The following WDR19 variants were observed in gnomAD, a reference collection of about 807,000 sequenced individuals.
The protein encoded by WDR19 is WD repeat-containing protein 19.
Under a neutral mutation model 180.0 loss-of-function variants are expected in WDR19, and 121 were observed. The observed-to-expected ratio is 0.67, with a 90% confidence interval of 0.58 to 0.78. The LOEUF (loss-of-function observed/expected upper bound fraction) is 0.78, where lower values mean the gene tolerates loss of function less well. WDR19 is among the 30% of genes least tolerant of loss of function. The pLI is 0.00. For missense variants in WDR19, 1,450 were observed against 1,640.7 expected (o/e 0.88, Z 2.01); for synonymous variants, 497 against 540.7 (o/e 0.92, Z 1.12).
intron 5 of WDR19, among the ~76,000 whole-genome samples, chr4:39,198,414 A>G (rs759714992): frequency 6.6e-5 from 10 of 151,926 alleles, no homozygotes; most frequent in Non-Finnish European, 1.3e-4. Flanking sequence ...AAAAAAAATT[A>G]GCCAGGCATG....
In WDR19 at chr4:39,228,422, A is replaced by T. The variant is rs1048554925; in HGVS notation, c.1778-64A>T. The T allele has an allele frequency of 2.5e-6, 4 of 1,602,158 alleles. No homozygotes were observed. In the Admixed American group the frequency reaches 6.8e-5, roughly 27 times the overall value. ...TTTCCCATTGCAGTAAAATTAAAAC[A>T]TTCTTTCTGATGTTTGTGCTGAGTA... On this transcript the variant is annotated intron_variant, in intron 16 of 36. Coordinates refer to ENST00000399820, the MANE Select transcript of WDR19 (RefSeq NM_025132.4).
chr4:39,256,181 C>T (rs1351219130), intron 27 of WDR19, among the ~76,000 whole-genome samples: 1 of 152,230 alleles, frequency 6.6e-6, no homozygotes, highest in East Asian at 1.9e-4. Flanking sequence ...ATTCTAACTA[C>T]TGTCAGCTCA....
At chr4:39,199,649 T>C (rs1294669741) in intron 6 of WDR19, 56 bp downstream of exon 6, 3 of 1,406,308 alleles carry the variant, frequency 2.1e-6, no homozygotes, top group Non-Finnish European at 2.0e-6. Context: ...CCCAAATAAA[T>C]AGTTTGTCTG....
chr4:39,253,361 C>T, intron 25 of WDR19, 69 bp downstream of exon 25: 1 of 1,438,600 alleles, frequency 7.0e-7, no homozygotes, highest in Non-Finnish European at 9.4e-7. Flanking sequence ...TGCCTTCTAT[C>T]ATCAAATATA....
chr4:39,183,492 C>T (rs1042652867), intron 1 of WDR19, among the ~76,000 whole-genome samples: 1 of 151,986 alleles, frequency 6.6e-6, no homozygotes, highest in Non-Finnish European at 1.5e-5. Flanking sequence ...CTCATGATCC[C>T]CCGACCTCGG....
Position 39,205,136 on chromosome 4 carries a change from C to T in WDR19, c.604-18C>T, listed in dbSNP as rs1348870924. 1.3e-6 allele frequency: 2 copies of T among 1,539,046 alleles called. No individual in the cohort carries two copies. ...TACTAAGTAACTCATTTCACAATCTCCTAATCTTTTCTGGCAGATAAGTGT... is the reference window on the plus strand; with the variant it reads ...TACTAAGTAACTCATTTCACAATCTTCTAATCTTTTCTGGCAGATAAGTGT... On this transcript the variant is annotated intron_variant, in intron 7 of 36. Coordinates refer to ENST00000399820, the MANE Select transcript of WDR19 (RefSeq NM_025132.4).
At chr4:39,277,907 A>C (rs1341986724) in intron 34 of WDR19, among the ~76,000 whole-genome samples, 1 of 152,164 alleles carries the variant, frequency 6.6e-6, no homozygotes, top group African/African-American at 2.4e-5. Flanking sequence ...CACAAAAATT[A>C]GCCAAGCATG....
At chr4:39,232,111 A>C (rs1421455578) in intron 18 of WDR19, 51 bp from the exon 19 acceptor site, 1 of 1,569,132 alleles carries the variant, frequency 6.4e-7, no homozygotes, top group Non-Finnish European at 8.7e-7. Flanking sequence ...AAAAAAAAAA[A>C]AAGTTAAACT....
chr4:39,221,686 G>T (rs962860632), intron 14 of WDR19, among the ~76,000 whole-genome samples: 1 of 152,042 alleles, frequency 6.6e-6, no homozygotes, highest in African/African-American at 2.4e-5. Context: ...CCTCTCATCT[G>T]TCCCCACCCC....
intron 15 of WDR19, among the ~76,000 whole-genome samples, chr4:39,226,155 G>C (rs1419421792): frequency 1.3e-5 from 2 of 152,222 alleles, no homozygotes; most frequent in African/African-American, 4.8e-5. Flanking sequence ...ATATACAAGA[G>C]AGTAGGAGGG....
chr4:39,255,783 C>A, intron 26 of WDR19, 65 bp from the exon 27 acceptor site: 1 of 769,596 alleles, frequency 1.3e-6, no homozygotes, highest in Non-Finnish European at 2.0e-6. Context: ...ATTTTATTTT[C>A]AGGTTAGCAA....
Position 39,194,784 on chromosome 4 carries a change from C to G in WDR19, c.406+125C>G, listed in dbSNP as rs1002607306. ...CAGTACAAACCCCCTCCCCATGTCC[C>G]TCCGCAAGTCTTACATTTAGCTAAA... is the stretch of plus-strand genomic sequence containing the variant. On this transcript the variant is annotated intron_variant, in intron 5 of 36. Coordinates refer to ENST00000399820, the MANE Select transcript of WDR19 (RefSeq NM_025132.4). 4.7e-6 allele frequency: 3 copies of G among 641,934 alleles called. No individual in the cohort carries two copies. The African/African-American group carries it at 5.5e-5, about 12-fold the overall frequency. The allele number at this position is 641,934 out of a possible 1,614,324, so 39.8% of individuals were successfully genotyped here.
intron 24 of WDR19, among the ~76,000 whole-genome samples, chr4:39,251,832 G>A (rs931664801): frequency 1.3e-5 from 2 of 152,102 alleles, no homozygotes; most frequent in Non-Finnish European, 2.9e-5. Context: ...CAGTTAGAAT[G>A]GCGATCATTA....
intron 31 of WDR19, 127 bp downstream of exon 31, chr4:39,270,227 C>G: frequency 1.5e-6 from 2 of 1,295,848 alleles, no homozygotes; most frequent in Admixed American, 4.6e-5. Context: ...AGTAACAAAA[C>G]AAGATACAGA....
At chr4:39,194,519 A>G in intron 4 of WDR19, 25 bp from the exon 5 acceptor site, 1 of 1,476,794 alleles carries the variant, frequency 6.8e-7, no homozygotes, top group Non-Finnish European at 9.4e-7. Context: ...TGAATTGTTT[A>G]GTAATTTATA....
At chr4:39,199,881 TA>T (rs1368052287) in intron 6 of WDR19, among the ~76,000 whole-genome samples, 1 of 152,240 alleles carries the variant, frequency 6.6e-6, no homozygotes, top group Admixed American at 6.5e-5. Flanking sequence ...AAATAACTCT[TA>T]TTTTATATAT....
rs1736118886 is a variant in WDR19, at chr4:39,278,384, C to T, written c.3918-155C>T. On this transcript the variant is annotated intron_variant, in intron 35 of 36. Transcript: ENST00000399820. Reference sequence around the variant, plus strand: ...TGAGAATATTATCTTTAAAGAGGATCTTGCATGAGACTGAATAGTTCTGAT... The same window carrying T: ...TGAGAATATTATCTTTAAAGAGGATTTTGCATGAGACTGAATAGTTCTGAT... 1.8e-5 allele frequency: 15 copies of T among 813,718 alleles called. No individual in the cohort carries two copies. The South Asian group carries it at 1.9e-4, about 10-fold the overall frequency. The allele number at this position is 813,718 out of a possible 1,614,324, so 50.4% of individuals were successfully genotyped here. A position where few individuals can be genotyped will look rare whatever the true frequency, so the allele number is the denominator to read the frequency against.
At chr4:39,275,183 T>C (rs1447436364) in intron 33 of WDR19, 1 of 522,674 alleles carries the variant, frequency 1.9e-6, no homozygotes, top group East Asian at 3.9e-5. Flanking sequence ...CTACTAAAAA[T>C]ACAAAAATTG....
At chr4:39,225,073 G>A (rs1157965468) in intron 15 of WDR19, 40 bp downstream of exon 15, 1 of 1,448,130 alleles carries the variant, frequency 6.9e-7, no homozygotes, top group Non-Finnish European at 9.1e-7. Flanking sequence ...TTTTTGAAAT[G>A]CAATATAGGG....
Sources: allele counts gnomAD v4.1 joint callset (sites outside exome capture counted in the v4.1 genomes callset), GRCh38; gene constraint gnomAD v4.1.1; transcripts MANE v1.5; gene names NCBI Gene and HGNC (gene_info 2026-07-23, HGNC 2026-07-21).